PKD1L3: variants seen among roughly 807,000 people sequenced by gnomAD.
PKD1L3 encodes polycystin-1-like protein 3.
A neutral mutation model predicts 184.1 loss-of-function variants in PKD1L3; 239 were observed. That is an observed-to-expected ratio of 1.30 (90% confidence interval 1.17 to 1.45). The LOEUF (loss-of-function observed/expected upper bound fraction) is 1.45, where lower values mean the gene tolerates loss of function less well. Among genes scored for constraint, PKD1L3 ranks in the 40% most tolerant of loss-of-function variants. The pLI, the probability that PKD1L3 is intolerant of heterozygous loss-of-function variation, is 0.00. For synonymous variants in PKD1L3, 996 were observed against 778.8 expected, an observed-to-expected ratio of 1.28 and a Z score of -4.64; for missense variants, 2,660 against 2,067.2, an observed-to-expected ratio of 1.29 and a Z score of -5.56.
At position 71,947,604 on chromosome 16, in the gene PKD1L3, A is replaced by G. The variant is rs2038667998; in HGVS notation, c.3619-13T>C. ...TGAAGAAGACCACCTGGGCAGGAGAATCACAGAACATCGTGAGCAGACATT... is the reference window on the plus strand; with the variant it reads ...TGAAGAAGACCACCTGGGCAGGAGAGTCACAGAACATCGTGAGCAGACATT... On this transcript the variant is annotated splice_polypyrimidine_tract_variant and intron_variant, in intron 21 of 29. Transcript: ENST00000620267. 2 of 1,477,014 alleles carry G rather than the reference A, an allele frequency of 1.4e-6. No individual in the cohort carries two copies. The highest frequency in any genetic ancestry group is 1.9e-6 in the Non-Finnish European group (2 of 1,080,998). The allele number at this position is 1,477,014 out of a possible 1,614,324, so 91.5% of individuals were successfully genotyped here.
Position 71,975,549 on chromosome 16 carries a change from A to ACTTC in PKD1L3, c.1759+1686_1759+1687insGAAG. ...TAGTCATCTACAATATATAAATGTG[A>ACTTC]AGTATATTTAACTCATGGTGCTGTG... On this transcript the variant is annotated intron_variant, in intron 11 of 29. Coordinates refer to ENST00000620267, the MANE Select transcript of PKD1L3 (RefSeq NM_181536.2). Among the ~76,000 whole-genome samples, 3 of 152,304 alleles carry ACTTC rather than the reference A, an allele frequency of 2.0e-5. No homozygotes were observed. The South Asian group carries it at 6.2e-4, about 32-fold the overall frequency.
At position 71,958,981 on chromosome 16, in the gene PKD1L3, G is replaced by A. The variant is rs116894978; in HGVS notation, c.2612+4224C>T. ...GTGTGCCTGTAATCCCAGCTACTCCGGAGGCTGAGAAAGAATTGCTTGAAC... is the reference window on the plus strand; with the variant it reads ...GTGTGCCTGTAATCCCAGCTACTCCAGAGGCTGAGAAAGAATTGCTTGAAC... On this transcript the variant is annotated intron_variant, in intron 16 of 29. Coordinates refer to ENST00000620267, the MANE Select transcript of PKD1L3 (RefSeq NM_181536.2). Among the ~76,000 whole-genome samples the A allele has an allele frequency of 0.038, 5,671 of 149,976 alleles. 720 individuals are homozygous for A. The East Asian group carries it at 0.38, about 10-fold the overall frequency.
chr16:71,931,461 C>T (rs547180296), intron 28 of PKD1L3, among the ~76,000 whole-genome samples: 2 of 147,078 alleles, frequency 1.4e-5, no homozygotes, highest in East Asian at 2.0e-4. Context: ...TCTTCTCCCC[C>T]ACTTTTTTTT....
intron 16 of PKD1L3, among the ~76,000 whole-genome samples, chr16:71,956,261 T>C (rs1345003050): frequency 6.9e-6 from 1 of 145,422 alleles, no homozygotes; most frequent in Non-Finnish European, 1.5e-5. Context: ...TGGCCTGATC[T>C]TGGCTCACTG....
intron 2 of PKD1L3, among the ~76,000 whole-genome samples, chr16:71,995,331 A>G (rs750075943): frequency 1.3e-5 from 2 of 152,236 alleles, no homozygotes; most frequent in Admixed American, 6.5e-5. Context: ...GAAGGGGCAC[A>G]TTCAAACCAT....
chr16:71,977,161 A>C (rs1343060825), intron 11 of PKD1L3, 75 bp downstream of exon 11: 1 of 1,149,106 alleles, frequency 8.7e-7, no homozygotes, highest in Non-Finnish European at 1.3e-6. Flanking sequence ...TGCAGTCAAC[A>C]ATGATGGTGC....
Position 71,929,684 on chromosome 16 carries a change from T to C in PKD1L3, c.5059-6A>G, listed in dbSNP as rs777879576. 3 of 1,529,074 alleles carry C rather than the reference T, an allele frequency of 2.0e-6. No individual in the cohort carries two copies. The highest frequency in any genetic ancestry group is 2.6e-6 in the Non-Finnish European group (3 of 1,139,216). The allele number at this position is 1,529,074 out of a possible 1,614,324, so 94.7% of individuals were successfully genotyped here. The stretch of plus-strand genomic sequence containing the variant: ...TCTATTAGTGCAGCTTCTTTCTGAG[T>C]ATTGAAGACAAAAAGAGAAAAGTGA... On this transcript the variant is annotated splice_region_variant and splice_polypyrimidine_tract_variant and intron_variant, in intron 29 of 29. Transcript: ENST00000620267.
At chr16:71,963,178 C>T (rs2039347161) in intron 16 of PKD1L3, 27 bp downstream of exon 16, 5 of 1,526,642 alleles carry the variant, frequency 3.3e-6, no homozygotes, top group African/African-American at 1.4e-5. Flanking sequence ...TCAATATTCA[C>T]TGTTAATAGT....
At chr16:71,967,037 T>C (rs1204925408) in intron 15 of PKD1L3, 100 bp downstream of exon 15, 2 of 1,290,644 alleles carry the variant, frequency 1.5e-6, no homozygotes. Flanking sequence ...TTTGTTACTA[T>C]TTGGCTCAAA....
chr16:71,947,421 G>A (rs577001918), intron 22 of PKD1L3, 71 bp downstream of exon 22: 15 of 979,430 alleles, frequency 1.5e-5, no homozygotes, highest in African/African-American at 1.4e-4. Flanking sequence ...TTAATTTATC[G>A]AGTCAGCAAG....
intron 28 of PKD1L3, among the ~76,000 whole-genome samples, chr16:71,932,465 G>T (rs1411356890): frequency 6.6e-6 from 1 of 150,698 alleles, no homozygotes; most frequent in African/African-American, 2.5e-5. Flanking sequence ...CTAATTCTTT[G>T]TCACTTCCAT....
At chr16:71,935,149 G>C (rs971156317) in intron 26 of PKD1L3, among the ~76,000 whole-genome samples, 4 of 152,222 alleles carry the variant, frequency 2.6e-5, no homozygotes, top group African/African-American at 9.6e-5. Context: ...AAGCACTAAT[G>C]AAGGCAGAAG....
chr16:71,998,185 A>G (rs2040856792), intron 2 of PKD1L3, 87 bp downstream of exon 2: 3 of 1,496,936 alleles, frequency 2.0e-6, no homozygotes, highest in African/African-American at 1.4e-5. Flanking sequence ...CTCACAGACT[A>G]TTTAACCAAT....
intron 24 of PKD1L3, among the ~76,000 whole-genome samples, chr16:71,941,183 G>T (rs964910107): frequency 2.6e-5 from 4 of 151,818 alleles, no homozygotes; most frequent in Non-Finnish European, 4.4e-5. Context: ...CTCTAATGCT[G>T]AAAACTGTAG....
chr16:71,984,527 C>G (rs1213115698), intron 5 of PKD1L3, among the ~76,000 whole-genome samples: 2 of 152,200 alleles, frequency 1.3e-5, no homozygotes, highest in East Asian at 3.9e-4. Context: ...ATGTTTTCCT[C>G]TCAGGCTTCC....
In PKD1L3 at chr16:71,977,170, G is replaced by A. The variant is rs1299737455; in HGVS notation, c.1759+66C>T. On this transcript the variant is annotated intron_variant, in intron 11 of 29. Coordinates refer to ENST00000620267, the MANE Select transcript of PKD1L3 (RefSeq NM_181536.2). Reference sequence around the variant, plus strand: ...TGAGGCTGCAGTCAACAATGATGGTGCCACTGCACTACATCCTAGGCAAAA... The same window carrying A: ...TGAGGCTGCAGTCAACAATGATGGTACCACTGCACTACATCCTAGGCAAAA... 5 of 1,195,020 alleles carry A rather than the reference G, an allele frequency of 4.2e-6. No homozygotes were observed. The African/African-American group carries it at 7.6e-5, about 18-fold the overall frequency. 74.0% of individuals were successfully genotyped at this position (1,195,020 alleles called of 1,614,324 possible).
At chr16:71,950,364 A>G in intron 19 of PKD1L3, 54 bp from the exon 20 acceptor site, 1 of 1,413,936 alleles carries the variant, frequency 7.1e-7, no homozygotes, top group Non-Finnish European at 9.6e-7. Context: ...ATAAGAAGCA[A>G]TTAGTGGTAG....
intron 21 of PKD1L3, among the ~76,000 whole-genome samples, chr16:71,948,803 T>TAAAAAAAAAAAAAAAAAA (rs57129483): frequency 4.9e-5 from 4 of 81,206 alleles, no homozygotes; most frequent in Non-Finnish European, 6.6e-5. Context: ...TTACATATAG[T>TAAAAAAAAAAAAAAAAAA]AAAAAAAAAA....
At chr16:71,985,571 A>C (rs1339053383) in intron 5 of PKD1L3, among the ~76,000 whole-genome samples, 1 of 152,076 alleles carries the variant, frequency 6.6e-6, no homozygotes, top group Non-Finnish European at 1.5e-5. Context: ...AGCTGGGACT[A>C]CAGGCACATG....
Sources: gnomAD v4.1 joint callset for allele counts (sites outside exome capture counted in the v4.1 genomes callset) on GRCh38, gnomAD v4.1.1 for gene constraint, MANE v1.5 for transcripts, NCBI Gene and HGNC (gene_info 2026-07-23, HGNC 2026-07-21) for gene names.